The following TRAM1 variants were observed in gnomAD, a reference collection of about 807,000 sequenced individuals.
TRAM1 encodes the protein translocation associated membrane protein 1.
TRAM1 carries 17 observed loss-of-function variants against 48.7 expected under a neutral mutation model. That is an observed-to-expected ratio of 0.35 (90% CI 0.24 to 0.52). TRAM1 has a LOEUF of 0.52. TRAM1 is among the 20% of genes least tolerant of loss of function. The pLI, the probability that TRAM1 is intolerant of heterozygous loss-of-function variation, is 0.94. For synonymous variants in TRAM1, 182 were observed against 154.0 expected, an observed-to-expected ratio of 1.18 and a Z score of -1.34; for missense variants, 351 against 441.5, an observed-to-expected ratio of 0.79 and a Z score of 1.84.
At chr8:70,605,189 G>T (rs73685682) in intron 1 of TRAM1, among the ~76,000 whole-genome samples, 10,225 of 152,166 alleles carry the variant, frequency 0.067, 401 homozygotes, top group Non-Finnish European at 0.078. Context: ...AGTTTTTAAA[G>T]AATAATAATA....
intron 9 of TRAM1, 89 bp downstream of exon 9, chr8:70,583,561 C>T (rs1038686193): frequency 7.0e-5 from 105 of 1,505,518 alleles, no homozygotes; most frequent in Non-Finnish European, 8.8e-5. Flanking sequence ...ACCTCATATT[C>T]ATCCTTTTTT....
At chr8:70,576,678 A>AGC (rs769613129) in intron 10 of TRAM1, among the ~76,000 whole-genome samples, 56 of 152,172 alleles carry the variant, frequency 3.7e-4, no homozygotes, top group Non-Finnish European at 6.9e-4. Flanking sequence ...TGGCAGCGGC[A>AGC]GCCCCTGTGG....
intron 1 of TRAM1, among the ~76,000 whole-genome samples, chr8:70,601,885 C>T (rs1173959441): frequency 1.3e-5 from 2 of 152,136 alleles, no homozygotes; most frequent in Admixed American, 6.5e-5. Context: ...GAGAACCTAG[C>T]TTAAATAAAG....
In TRAM1 at chr8:70,598,064, A is replaced by C. The variant is rs547485959; in HGVS notation, c.310-53T>G. ...TAAGAATAAATTATAAATTATATTTAATATATGACTAGCAGATTATGGAGA... is the reference window on the plus strand; with the variant it reads ...TAAGAATAAATTATAAATTATATTTCATATATGACTAGCAGATTATGGAGA... On this transcript the variant is annotated intron_variant, in intron 3 of 10. Coordinates refer to ENST00000262213, the MANE Select transcript of TRAM1 (RefSeq NM_014294.6). 41 of 1,537,882 alleles carry C rather than the reference A, an allele frequency of 2.7e-5. No homozygotes were observed. The East Asian group carries it at 8.9e-4, about 34-fold the overall frequency.
intron 1 of TRAM1, among the ~76,000 whole-genome samples, chr8:70,606,466 G>A (rs1350792050): frequency 6.6e-6 from 1 of 152,230 alleles, no homozygotes; most frequent in Non-Finnish European, 1.5e-5. Flanking sequence ...AAAGTGTTGG[G>A]ATGTTTACAG....
At chr8:70,596,937 A>T (rs1346882709) in intron 4 of TRAM1, among the ~76,000 whole-genome samples, 1 of 152,090 alleles carries the variant, frequency 6.6e-6, no homozygotes, top group Admixed American at 6.5e-5. Flanking sequence ...ATAGTTTTTA[A>T]ACTAAAATTT....
chr8:70,594,507 T>G lies in TRAM1; in HGVS notation c.569A>C (p.Lys190Thr). ...FPELYFQKTK[K>T]EDIPRQLVYI... is the part of the protein sequence containing the mutation. ...TAACACTACAAAATCCCAGCTTACT[T>G]TTTTGGTTTTCTGGAAGTAGAGTTC... is the stretch of plus-strand genomic sequence containing the variant. The change falls in exon 6 of 11, where the codon AAA (lysine) becomes ACA (threonine). Residue 190 changes from lysine (K) to threonine (T), a missense_variant and splice_region_variant. Lys to Thr is a moderately conservative substitution (Grantham distance 78, BLOSUM62 -1). Transcript: ENST00000262213. 6.3e-7 allele frequency: 1 copy of G among 1,591,940 alleles called. No individual in the cohort carries two copies. The highest frequency in any genetic ancestry group is 8.5e-7 in the Non-Finnish European group (1 of 1,172,246).
rs377170361 is a variant in TRAM1, at chr8:70,593,278, G to A, written c.570+1228C>T. On this transcript the variant is annotated intron_variant, in intron 6 of 10. Transcript: ENST00000262213. Reference sequence around the variant, plus strand: ...GAAACAGTAGGAAATCAAGTGCCTAGTCCATGAATTAACTATTTGTAGCAC... The same window carrying A: ...GAAACAGTAGGAAATCAAGTGCCTAATCCATGAATTAACTATTTGTAGCAC... Among the ~76,000 whole-genome samples, 3 of 151,992 alleles carry A rather than the reference G, an allele frequency of 2.0e-5. No individual in the cohort carries two copies. In the South Asian group the frequency reaches 6.2e-4, roughly 31 times the overall value.
intron 6 of TRAM1, among the ~76,000 whole-genome samples, chr8:70,592,597 G>A (rs1817389615): frequency 1.3e-5 from 2 of 152,144 alleles, no homozygotes; most frequent in South Asian, 4.1e-4. Context: ...AGAGCTTCAG[G>A]AACTAAAATG....
chr8:70,587,238 A>C (rs1023895953), intron 6 of TRAM1, 62 bp from the exon 7 acceptor site: 5 of 1,532,812 alleles, frequency 3.3e-6, no homozygotes, highest in Non-Finnish European at 4.5e-6. Context: ...TTTTTTTAAG[A>C]GGTGTGGTCT....
chr8:70,608,210 C>T lies in TRAM1; in HGVS notation c.-11G>A, dbSNP rs1009159198. The T allele has an allele frequency of 1.9e-6, 3 of 1,584,162 alleles. No individual in the cohort carries two copies. The highest frequency in any genetic ancestry group is 2.6e-6 in the Non-Finnish European group (3 of 1,168,114). ...CTTGCGAATCGCCATGGTGGGGCCGCCGCCCGCGCCTGCAGGTGCTCCGCC... is the reference window on the plus strand; with the variant it reads ...CTTGCGAATCGCCATGGTGGGGCCGTCGCCCGCGCCTGCAGGTGCTCCGCC... On this transcript the variant is annotated 5_prime_UTR_variant, in exon 1 of 11. Transcript: ENST00000262213.
chr8:70,582,877 A>C (rs1453755753), intron 10 of TRAM1, among the ~76,000 whole-genome samples: 1 of 152,184 alleles, frequency 6.6e-6, no homozygotes, highest in African/African-American at 2.4e-5. Context: ...GGTTTAGTTT[A>C]AACCTGCCCA....
chr8:70,589,045 A>T (rs895077889), intron 6 of TRAM1, among the ~76,000 whole-genome samples: 17 of 152,204 alleles, frequency 1.1e-4, no homozygotes, highest in African/African-American at 4.1e-4. Flanking sequence ...CTACTTCACC[A>T]AATCTTTTGA....
intron 7 of TRAM1, 41 bp downstream of exon 7, chr8:70,587,065 T>C: frequency 6.2e-7 from 1 of 1,612,340 alleles, no homozygotes; most frequent in Non-Finnish European, 8.5e-7. Context: ...GCATACTATC[T>C]GCCCAGCCTA....
At chr8:70,600,512 TCCCACACA>T (rs1817585234) in intron 1 of TRAM1, among the ~76,000 whole-genome samples, 2 of 152,274 alleles carry the variant, frequency 1.3e-5, no homozygotes, top group Admixed American at 6.5e-5. Flanking sequence ...TGTGTTAGTA[TCCCACACA>T]CCCAGCAGAG....
At chr8:70,588,727 A>C (rs904603995) in intron 6 of TRAM1, among the ~76,000 whole-genome samples, 4 of 152,232 alleles carry the variant, frequency 2.6e-5, no homozygotes, top group African/African-American at 9.6e-5. Context: ...TGCAGTAAAA[A>C]TGTTTACAAA....
rs550943243 is a variant in TRAM1 at position 70,598,474 on chromosome 8, C to A, written c.188-219G>T. 3.9e-5 allele frequency among the ~76,000 whole-genome samples: 6 copies of A among 152,124 alleles called. No individual in the cohort carries two copies. The South Asian group carries it at 1.2e-3, about 32-fold the overall frequency. On this transcript the variant is annotated intron_variant, in intron 2 of 10. Transcript: ENST00000262213. ...AAGCTTTAGAAATTACTTACAAAGA[C>A]TTGACACATGTTAGTCACAGCCACC...
chr8:70,596,819 TAAAAA>T (rs34126420), intron 4 of TRAM1, among the ~76,000 whole-genome samples: 1 of 122,480 alleles, frequency 8.2e-6, no homozygotes, highest in Non-Finnish European at 1.7e-5. Flanking sequence ...ACTGCATATG[TAAAAA>T]AAAAAAAAAA....
chr8:70,575,228 T>A (rs1383415719), intron 10 of TRAM1, among the ~76,000 whole-genome samples: 2 of 152,112 alleles, frequency 1.3e-5, no homozygotes, highest in East Asian at 3.9e-4. Context: ...CAGAAAAAAG[T>A]GACAGCACAG....
Sources: gnomAD v4.1 joint callset for allele counts (sites outside exome capture counted in the v4.1 genomes callset) on GRCh38, gnomAD v4.1.1 for gene constraint, MANE v1.5 for transcripts, NCBI Gene and HGNC (gene_info 2026-07-23, HGNC 2026-07-21) for gene names.